Variants in IQANK1 observed in about 807,000 individuals in gnomAD.
IQANK1 encodes IQ motif and ankyrin repeat domain-containing protein 1.
In IQANK1, 30 loss-of-function variants were observed where a neutral mutation model predicts 22.6. The ratio of observed to expected loss-of-function variants is 1.33; its 90% CI spans 0.99 to 1.80. The LOEUF is 1.80. IQANK1 is among the 40% of genes most tolerant of loss of function. The pLI is 0.00. For missense variants in IQANK1, 275 were observed against 235.2 expected, an observed-to-expected ratio of 1.17 and a Z score of -1.11; for synonymous variants, 122 against 99.6, an observed-to-expected ratio of 1.23 and a Z score of -1.34.
intron 3 of IQANK1, among the ~76,000 whole-genome samples, chr8:143,762,993 C>CT (rs1414636659): frequency 1.4e-5 from 2 of 146,066 alleles, no homozygotes; most frequent in Non-Finnish European, 3.0e-5. Flanking sequence ...TTTTGTTTTC[C>CT]TTTTCCTTTT....
intron 7 of IQANK1, among the ~76,000 whole-genome samples, chr8:143,775,044 G>C (rs1217333308): frequency 1.3e-5 from 2 of 152,072 alleles, no homozygotes; most frequent in African/African-American, 4.8e-5. Flanking sequence ...TTGAGGTGAT[G>C]AGACAGTCTT....
At position 143,774,808 on chromosome 8, in the gene IQANK1, C is replaced by T. The variant is rs934804598; in HGVS notation, c.789+2326C>T. Among the ~76,000 whole-genome samples the T allele has an allele frequency of 1.8e-4, 27 of 152,194 alleles. 1 individual carries two copies. The highest frequency in any genetic ancestry group is 2.1e-4 in the South Asian group (1 of 4,834). Reference sequence around the variant, plus strand: ...CTTGGTGCATTCCTGCCACGAAACACGCTTGGCAATAAAACGGTGTGCACA... The same window carrying T: ...CTTGGTGCATTCCTGCCACGAAACATGCTTGGCAATAAAACGGTGTGCACA... On this transcript the variant is annotated intron_variant, in intron 7 of 13. Transcript: ENST00000527139. This position sits in a 1 kb window ranked among gnomAD's most constrained non-coding sequence, Gnocchi z 4.2.
intron 1 of IQANK1, 81 bp downstream of exon 1, chr8:143,734,300 A>G (rs1554625286): frequency 6.6e-6 from 1 of 151,470 alleles, no homozygotes; most frequent in African/African-American, 2.4e-5. Context: ...CCCTCACCAC[A>G]CACCGGTCTC....
intron 3 of IQANK1, among the ~76,000 whole-genome samples, chr8:143,768,485 C>T (rs1819518266): frequency 6.6e-6 from 1 of 152,120 alleles, no homozygotes; most frequent in Non-Finnish European, 1.5e-5. Flanking sequence ...TCTTCAAACC[C>T]CTGCCCACTG....
chr8:143,757,090 G>A (rs1819307613), intron 3 of IQANK1, among the ~76,000 whole-genome samples: 1 of 152,138 alleles, frequency 6.6e-6, no homozygotes, highest in African/African-American at 2.4e-5. Flanking sequence ...ATATTCATAT[G>A]TGCAACTGAC....
At chr8:143,737,842 C>T (rs1235073231) in intron 2 of IQANK1, among the ~76,000 whole-genome samples, 1 of 152,246 alleles carries the variant, frequency 6.6e-6, no homozygotes, top group Non-Finnish European at 1.5e-5. Flanking sequence ...CCTGCCGCCA[C>T]CGGTCCTCCA....
In IQANK1 at chr8:143,774,858, C is replaced by T. The variant is rs750992252; in HGVS notation, c.789+2376C>T. 8.5e-5 allele frequency among the ~76,000 whole-genome samples: 13 copies of T among 152,134 alleles called. No individual in the cohort carries two copies. The highest frequency in any genetic ancestry group is 1.3e-4 in the Non-Finnish European group (9 of 68,016). ...ACATGATCCATGCAACAACTAGCAA[C>T]GTGGAGAAACCGGAAGGGAGCTTCA... is the stretch of plus-strand genomic sequence containing the variant. On this transcript the variant is annotated intron_variant, in intron 7 of 13. Coordinates refer to ENST00000527139, the MANE Select transcript of IQANK1 (RefSeq NM_001381874.1). The surrounding 1 kb of genome is among the most constrained non-coding windows in gnomAD (Gnocchi z 4.2).
rs111728211 is a variant in IQANK1, at chr8:143,776,297, C to T, written c.789+3815C>T. On this transcript the variant is annotated intron_variant, in intron 7 of 13. Coordinates refer to ENST00000527139, the MANE Select transcript of IQANK1 (RefSeq NM_001381874.1). Reference sequence around the variant, plus strand: ...GATGGCGCCACTGCAGTCCGCAGTCCGGCCTGGGCGACAGAGCGAGACTCC... The same window carrying T: ...GATGGCGCCACTGCAGTCCGCAGTCTGGCCTGGGCGACAGAGCGAGACTCC... Among the ~76,000 whole-genome samples the T allele has an allele frequency of 6.3e-3, 760 of 120,442 alleles. 9 individuals are homozygous for T. Among genetic ancestry groups the T allele is most frequent in the Middle Eastern group, 0.018 (3 of 164 alleles). The allele number at this position is 120,442 out of a possible 152,430, so 79.0% of individuals were successfully genotyped here.
At position 143,739,916 on chromosome 8, in the gene IQANK1, C is replaced by T. The variant is rs879983278; in HGVS notation, c.143C>T (p.Pro48Leu). 9.0e-5 allele frequency: 63 copies of T among 699,514 alleles called. 1 individual carries two copies. The Admixed American group carries it at 1.2e-3, about 13-fold the overall frequency. 43.3% of individuals were successfully genotyped at this position (699,514 alleles called of 1,614,324 possible). A position where few individuals can be genotyped will look rare whatever the true frequency, so the allele number is the denominator to read the frequency against. The change falls in exon 3 of 14, where the codon CCC (proline) becomes CTC (leucine). Residue 48 changes from proline to leucine, a missense_variant. By Grantham distance (98) the Pro-to-Leu change is moderately conservative. Transcript: ENST00000527139. ...AAAGCGGGCTGGCAGGCGAGGGAGCCCGCGTCGGCTGAGAGCCCACAGGCC... is the reference window on the plus strand; with the variant it reads ...AAAGCGGGCTGGCAGGCGAGGGAGCTCGCGTCGGCTGAGAGCCCACAGGCC... The part of the protein sequence containing the change: ...QRKAGWQARE[P>L]ASAESPQAPT...
intron 3 of IQANK1, among the ~76,000 whole-genome samples, chr8:143,757,252 T>A (rs557666971): frequency 6.6e-6 from 1 of 152,200 alleles, no homozygotes; most frequent in African/African-American, 2.4e-5. Context: ...GTTGCAGGGC[T>A]CCAGGGTCGC....
intron 3 of IQANK1, among the ~76,000 whole-genome samples, chr8:143,743,448 C>T (rs1818965081): frequency 6.6e-6 from 1 of 152,040 alleles, no homozygotes; most frequent in Admixed American, 6.6e-5. Flanking sequence ...TTTTTTTCGT[C>T]TTTACAATTT....
chr8:143,775,823 C>CA (rs57293834), intron 7 of IQANK1, among the ~76,000 whole-genome samples: 15 of 140,954 alleles, frequency 1.1e-4, no homozygotes, highest in African/African-American at 4.1e-4. Context: ...CACACACACA[C>CA]CATTCCTAAA....
intron 3 of IQANK1, among the ~76,000 whole-genome samples, chr8:143,748,623 AATATATC>A (rs1447226267): frequency 1.6e-5 from 2 of 126,952 alleles, no homozygotes; most frequent in African/African-American, 6.3e-5. Flanking sequence ...ATAAATATAT[AATATATC>A]ATATATAAAT....
At chr8:143,780,217 C>G (rs147238258) in intron 7 of IQANK1, among the ~76,000 whole-genome samples, 1 of 152,030 alleles carries the variant, frequency 6.6e-6, no homozygotes, top group Non-Finnish European at 1.5e-5. Context: ...GTATAAAGTT[C>G]CCAGTTTAAT....
chr8:143,756,382 C>T (rs114136539), intron 3 of IQANK1, among the ~76,000 whole-genome samples: 4,090 of 152,182 alleles, frequency 0.027, 182 homozygotes, highest in African/African-American at 0.093. Context: ...GTCAGGTGAC[C>T]ATGAGGAGCT....
intron 3 of IQANK1, among the ~76,000 whole-genome samples, chr8:143,756,637 C>CATCCT (rs1819297506): frequency 6.6e-6 from 1 of 151,860 alleles, no homozygotes; most frequent in Non-Finnish European, 1.5e-5. Flanking sequence ...TGTGATTAGG[C>CATCCT]ATCAGTGCTT....
rs1819987039 is a variant in IQANK1 at position 143,789,853 on chromosome 8, G to A, written c.1179G>A (p.Arg393=). The A allele has an allele frequency of 8.1e-7, 1 of 1,232,118 alleles. No individual in the cohort carries two copies. The highest frequency in any genetic ancestry group is 1.5e-5 in the African/African-American group (1 of 64,558). The allele number at this position is 1,232,118 out of a possible 1,614,324, so 76.3% of individuals were successfully genotyped here. The change falls in exon 11 of 14, where the codon CGG becomes CGA. Residue 393 remains arginine (R), a synonymous_variant. Coordinates refer to ENST00000527139, the MANE Select transcript of IQANK1 (RefSeq NM_001381874.1). The part of the protein sequence containing the change: ...EALAMARLEL[R]EQTQEGEEEA... ...TGGCTATGGCCAGGCTGGAGCTTCG[G>A]GAGCAGACGCAGGAGGGTGGGCCTG...
At chr8:143,786,115 A>G (rs6992474) in intron 7 of IQANK1, among the ~76,000 whole-genome samples, 151,618 of 152,228 alleles carry the variant, frequency 1, 75,512 homozygotes, top group Middle Eastern at 1. Context: ...TGCATGCCTC[A>G]GCCTCCCAAA....
chr8:143,768,964 C>G (rs1285507568), intron 3 of IQANK1, among the ~76,000 whole-genome samples: 2 of 152,056 alleles, frequency 1.3e-5, no homozygotes, highest in East Asian at 1.9e-4. Flanking sequence ...GTGATTCTGA[C>G]CCAAATAGGG....
Sources: gnomAD v4.1 joint callset for allele counts (sites outside exome capture counted in the v4.1 genomes callset) on GRCh38, gnomAD v4.1.1 for gene constraint, Gnocchi (gnomAD v3.1) non-coding constraint, MANE v1.5 for transcripts, NCBI Gene and HGNC (gene_info 2026-07-23, HGNC 2026-07-21) for gene names.